Variants in VWA8 observed in about 807,000 individuals in gnomAD.
The protein encoded by VWA8 is von Willebrand factor A domain containing 8, also known as von Willebrand factor A domain-containing protein 8.
A neutral mutation model predicts 241.5 loss-of-function variants in VWA8; 221 were observed. The observed-to-expected ratio is 0.91, with a 90% CI of 0.82 to 1.02. The LOEUF (loss-of-function observed/expected upper bound fraction) is 1.02. Ranked by LOEUF, VWA8 falls within the 50% of genes least tolerant of loss-of-function variation. The pLI is 0.00. For missense variants in VWA8, 2,322 were observed against 2,328.7 expected, an observed-to-expected ratio of 1.00 and a Z score of 0.06; for synonymous variants, 852 against 827.1, an observed-to-expected ratio of 1.03 and a Z score of -0.52.
chr13:41,768,886 C>A, intron 20 of VWA8, among the ~76,000 whole-genome samples: 1 of 148,890 alleles, frequency 6.7e-6, no homozygotes, highest in African/African-American at 2.5e-5. Flanking sequence ...TAGAATAAAT[C>A]AACTATAAAA....
chr13:41,867,630 C>A (rs571649315), intron 10 of VWA8, among the ~76,000 whole-genome samples: 1 of 152,158 alleles, frequency 6.6e-6, no homozygotes, highest in Admixed American at 6.6e-5. Context: ...AATATGGAAC[C>A]TAGCTCATGG....
At chr13:41,889,090 A>C (rs1340392314) in intron 5 of VWA8, among the ~76,000 whole-genome samples, 1 of 152,320 alleles carries the variant, frequency 6.6e-6, no homozygotes, top group Non-Finnish European at 1.5e-5. Context: ...ACCTTTATGA[A>C]ACCAATAACA....
intron 9 of VWA8, 131 bp from the exon 10 acceptor site, chr13:41,868,608 A>C: frequency 8.6e-7 from 1 of 1,166,886 alleles, no homozygotes; most frequent in Non-Finnish European, 1.2e-6. Flanking sequence ...GGTTAGGCCA[A>C]GGGCGGTGGC....
At chr13:41,605,075 C>A in intron 40 of VWA8, 93 bp downstream of exon 40, 2 of 1,241,280 alleles carry the variant, frequency 1.6e-6, no homozygotes, top group Non-Finnish European at 2.3e-6. Context: ...TTCGGACTGG[C>A]TAATTAGGGT....
chr13:41,953,226 C>T (rs1203804951), intron 1 of VWA8, among the ~76,000 whole-genome samples: 8 of 152,052 alleles, frequency 5.3e-5, no homozygotes, highest in East Asian at 1.9e-4. Flanking sequence ...CAAGTATAGA[C>T]GTAAAGAAAG....
At chr13:41,765,366 T>G (rs1262473849) in intron 20 of VWA8, among the ~76,000 whole-genome samples, 1 of 152,302 alleles carries the variant, frequency 6.6e-6, no homozygotes, top group South Asian at 2.1e-4. Context: ...TACAAGACTA[T>G]CCTCAATTTG....
At chr13:41,707,945 A>G (rs942038815) in intron 26 of VWA8, among the ~76,000 whole-genome samples, 1 of 151,960 alleles carries the variant, frequency 6.6e-6, no homozygotes, top group Non-Finnish European at 1.5e-5. Flanking sequence ...TACATACAAA[A>G]CTCCTAGAAA....
chr13:41,856,023 G>T (rs1446782800), intron 12 of VWA8, among the ~76,000 whole-genome samples: 4 of 152,268 alleles, frequency 2.6e-5, no homozygotes, highest in Admixed American at 1.3e-4. Context: ...TTACCAATTT[G>T]TTCTGTTCTC....
chr13:41,587,676 G>T lies in VWA8; in HGVS notation c.5113-6C>A. The T allele has an allele frequency of 6.2e-7, 1 of 1,613,924 alleles. No individual in the cohort carries two copies. Among genetic ancestry groups the T allele is most frequent in the Non-Finnish European group, 8.5e-7 (1 of 1,179,868 alleles). On this transcript the variant is annotated splice_polypyrimidine_tract_variant and splice_region_variant and intron_variant, in intron 41 of 44. Coordinates refer to ENST00000379310, the MANE Select transcript of VWA8 (RefSeq NM_015058.2). The stretch of plus-strand genomic sequence containing the variant: ...TTCTGTTGTGGGCTGCCAAGCTGAG[G>T]GAAGGAATAACAGAAAAGCCGTTTG...
At chr13:41,942,146 A>G (rs906243981) in intron 2 of VWA8, among the ~76,000 whole-genome samples, 1 of 152,218 alleles carries the variant, frequency 6.6e-6, no homozygotes, top group African/African-American at 2.4e-5. Flanking sequence ...CAAGTGTAAC[A>G]ACTTGGTGAA....
chr13:41,868,309 G>A, intron 10 of VWA8, 37 bp downstream of exon 10: 1 of 1,610,608 alleles, frequency 6.2e-7, no homozygotes, highest in Non-Finnish European at 8.5e-7. Flanking sequence ...GGCAGAATAA[G>A]GTATATCATA....
At chr13:41,779,714 C>A (rs1478751176) in intron 19 of VWA8, among the ~76,000 whole-genome samples, 1 of 152,140 alleles carries the variant, frequency 6.6e-6, no homozygotes, top group Non-Finnish European at 1.5e-5. Context: ...CTAAGCTCTT[C>A]CAGTAATAAA....
intron 37 of VWA8, among the ~76,000 whole-genome samples, chr13:41,664,503 T>G (rs998003717): frequency 1.3e-5 from 2 of 151,958 alleles, no homozygotes; most frequent in East Asian, 3.9e-4. Context: ...CTACCTTCCT[T>G]GAGTCTAAGT....
chr13:41,778,511 C>T (rs1489272217), intron 19 of VWA8, among the ~76,000 whole-genome samples: 1 of 152,038 alleles, frequency 6.6e-6, no homozygotes, highest in African/African-American at 2.4e-5. Context: ...ATATTATTTA[C>T]CTTCCACACT....
At chr13:41,802,005 A>G (rs1371274732) in intron 17 of VWA8, among the ~76,000 whole-genome samples, 3 of 152,222 alleles carry the variant, frequency 2.0e-5, no homozygotes, top group Non-Finnish European at 4.4e-5. Flanking sequence ...TCCCCTCCAC[A>G]GGAACACCAA....
At chr13:41,822,877 A>G (rs1159571954) in intron 14 of VWA8, among the ~76,000 whole-genome samples, 1 of 152,106 alleles carries the variant, frequency 6.6e-6, no homozygotes, top group Admixed American at 6.6e-5. Context: ...ATGTGATTCC[A>G]TTTATATAAA....
At chr13:41,927,870 A>G (rs1256954912) in intron 2 of VWA8, among the ~76,000 whole-genome samples, 1 of 152,218 alleles carries the variant, frequency 6.6e-6, no homozygotes, top group Non-Finnish European at 1.5e-5. Context: ...TTTAGCTTTA[A>G]GGACAGACAG....
chr13:41,697,346 T>G (rs1482244507), intron 29 of VWA8, among the ~76,000 whole-genome samples: 1 of 152,234 alleles, frequency 6.6e-6, no homozygotes, highest in Admixed American at 6.5e-5. Context: ...AGAGAAATCC[T>G]TTAATCATGC....
intron 44 of VWA8, 80 bp downstream of exon 44, chr13:41,570,388 G>A (rs2044292259): frequency 7.6e-7 from 1 of 1,309,468 alleles, no homozygotes; most frequent in Non-Finnish European, 1.1e-6. Context: ...CCCTCATGGT[G>A]CTAAGCCTAT....
Sources: gnomAD v4.1 joint callset for allele counts (sites outside exome capture counted in the v4.1 genomes callset) on GRCh38, gnomAD v4.1.1 for gene constraint, MANE v1.5 for transcripts, NCBI Gene and HGNC (gene_info 2026-07-23, HGNC 2026-07-21) for gene names.